Variants in MRGPRX3 observed in about 807,000 individuals in gnomAD.
The protein encoded by MRGPRX3 is MAS related GPR family member X3, also known as mas-related G protein-coupled receptor member X3.
Under a neutral mutation model 16.5 loss-of-function variants are expected in MRGPRX3, and 14 were observed. The observed-to-expected ratio is 0.85, with a 90% CI of 0.56 to 1.33. The LOEUF (loss-of-function observed/expected upper bound fraction) is 1.33, where lower values mean the gene tolerates loss of function less well. Among genes scored for constraint, MRGPRX3 ranks in the 40% most tolerant of loss-of-function variants. The pLI, the probability that MRGPRX3 is intolerant of heterozygous loss-of-function variation, is 0.00. For missense variants in MRGPRX3, 449 were observed against 413.0 expected (o/e 1.09, Z -0.76); for synonymous variants, 199 against 180.1 (o/e 1.10, Z -0.84).
At chr11:18,122,512 T>C (rs1175651502) in intron 1 of MRGPRX3, among the ~76,000 whole-genome samples, 1 of 152,242 alleles carries the variant, frequency 6.6e-6, no homozygotes, top group Non-Finnish European at 1.5e-5. Flanking sequence ...GCAAAGGACA[T>C]GAACTCATCA....
At chr11:18,121,868 G>T (rs1296200426) in intron 1 of MRGPRX3, among the ~76,000 whole-genome samples, 3 of 151,926 alleles carry the variant, frequency 2.0e-5, no homozygotes, top group South Asian at 2.1e-4. Flanking sequence ...ACTGCGGAAG[G>T]CCTCAGGGTC....
At chr11:18,127,184 C>G (rs1331232497) in intron 1 of MRGPRX3, among the ~76,000 whole-genome samples, 1 of 152,228 alleles carries the variant, frequency 6.6e-6, no homozygotes, top group African/African-American at 2.4e-5. Flanking sequence ...CCTGACCTTT[C>G]TCTCTGGCTG....
At chr11:18,127,337 G>C (rs1273549580) in intron 1 of MRGPRX3, among the ~76,000 whole-genome samples, 1 of 152,190 alleles carries the variant, frequency 6.6e-6, no homozygotes, top group African/African-American at 2.4e-5. Context: ...GATTGGGGAA[G>C]TTCTCCTGGA....
Position 18,137,822 on chromosome 11 carries a change from G to A in MRGPRX3, c.620G>A (p.Arg207Gln), listed in dbSNP as rs760844552. ...VLLVRILCGS[R>Q]KMPLTRLYVT... ...CTGGTCAGGATTCTCTGTGGATCCCGGAAGATGCCGCTGACCAGGCTGTAC... is the reference window on the plus strand; with the variant it reads ...CTGGTCAGGATTCTCTGTGGATCCCAGAAGATGCCGCTGACCAGGCTGTAC... Residue 207 changes from arginine (R) to glutamine (Q), a missense_variant, in exon 2 of 2, where the codon CGG (arginine) becomes CAG (glutamine). Coordinates refer to ENST00000621697, the MANE Select transcript of MRGPRX3 (RefSeq NM_001370464.1). 26 of 1,614,036 alleles carry A rather than the reference G, an allele frequency of 1.6e-5. No homozygotes were observed. Among genetic ancestry groups the A allele is most frequent in the East Asian group, 8.9e-5 (4 of 44,896 alleles).
In MRGPRX3 at chr11:18,137,301, G is replaced by A. The variant is rs757015044; in HGVS notation, c.99G>A (p.Leu33=). The A allele has an allele frequency of 6.2e-7, 1 of 1,614,042 alleles. No homozygotes were observed. The highest frequency in any genetic ancestry group is 1.7e-5 in the Admixed American group (1 of 60,002). Residue 33 remains leucine, a synonymous_variant, in exon 2 of 2, where the codon CTG becomes CTA. Coordinates refer to ENST00000621697, the MANE Select transcript of MRGPRX3 (RefSeq NM_001370464.1). Reference sequence around the variant, plus strand: ...AGCAGACCCTGAGCTTCACGGGGCTGACGTGCATCGTTTCCCTTGTCGCGC... The same window carrying A: ...AGCAGACCCTGAGCTTCACGGGGCTAACGTGCATCGTTTCCCTTGTCGCGC... The part of the protein sequence containing the change: ...CYKQTLSFTG[L]TCIVSLVALT...
chr11:18,126,201 T>A (rs557988547), intron 1 of MRGPRX3, among the ~76,000 whole-genome samples: 1 of 152,328 alleles, frequency 6.6e-6, no homozygotes, highest in Non-Finnish European at 1.5e-5. Flanking sequence ...AATTTAAGGT[T>A]AATATTGTTA....
At chr11:18,136,270 T>G (rs1849006905) in intron 1 of MRGPRX3, among the ~76,000 whole-genome samples, 1 of 152,192 alleles carries the variant, frequency 6.6e-6, no homozygotes, top group South Asian at 2.1e-4. Flanking sequence ...TCACTTACTC[T>G]TTCCTCTGTT....
chr11:18,123,537 A>AT (rs1428612275), intron 1 of MRGPRX3, among the ~76,000 whole-genome samples: 1 of 152,034 alleles, frequency 6.6e-6, no homozygotes, highest in Non-Finnish European at 1.5e-5. Flanking sequence ...GTTCTGTTCC[A>AT]TTGGTCTATA....
rs374434472 is a variant in MRGPRX3, at chr11:18,137,172, T to C, written c.-25-6T>C. On this transcript the variant is annotated splice_polypyrimidine_tract_variant and splice_region_variant and intron_variant, in intron 1 of 1. Coordinates refer to ENST00000621697, the MANE Select transcript of MRGPRX3 (RefSeq NM_001370464.1). Reference sequence around the variant, plus strand: ...GCTGGTGATCACATCTGGTTTCTGTTTCCAGGGTCATCAGACTGGGGTTTC... The same window carrying C: ...GCTGGTGATCACATCTGGTTTCTGTCTCCAGGGTCATCAGACTGGGGTTTC... The C allele has an allele frequency of 6.4e-7, 1 of 1,555,358 alleles. No individual in the cohort carries two copies. The highest frequency in any genetic ancestry group is 8.7e-7 in the Non-Finnish European group (1 of 1,149,074).
At chr11:18,133,202 G>A (rs2134084114) in intron 1 of MRGPRX3, among the ~76,000 whole-genome samples, 1 of 152,330 alleles carries the variant, frequency 6.6e-6, no homozygotes, top group Middle Eastern at 3.4e-3. Flanking sequence ...AAGATGCACA[G>A]AGTTAAGGGT....
chr11:18,126,000 A>T (rs1365851042), intron 1 of MRGPRX3, among the ~76,000 whole-genome samples: 1 of 152,202 alleles, frequency 6.6e-6, no homozygotes, highest in East Asian at 1.9e-4. Context: ...ATCAGAGACT[A>T]GAATTGCAAC....
chr11:18,123,682 C>G lies in MRGPRX3; in HGVS notation c.-152+2518C>G, dbSNP rs978588745. 1.7e-3 allele frequency among the ~76,000 whole-genome samples: 253 copies of G among 151,758 alleles called. 1 individual carries two copies. The highest frequency in any genetic ancestry group is 5.9e-3 in the African/African-American group (243 of 41,478). ...ACTTGGCAACGCGGGCTCTTTTTTG[C>G]TTCCATATGAATTTTAAAGTAGTTT... On this transcript the variant is annotated intron_variant, in intron 1 of 2. Transcript: ENST00000396275.
intron 1 of MRGPRX3, among the ~76,000 whole-genome samples, chr11:18,126,565 A>G (rs1848898352): frequency 6.6e-6 from 1 of 152,248 alleles, no homozygotes; most frequent in Admixed American, 6.5e-5. Context: ...ATATGTATAC[A>G]GGTACCATGA....
At chr11:18,133,860 C>G (rs1443017546) in intron 1 of MRGPRX3, among the ~76,000 whole-genome samples, 4 of 152,226 alleles carry the variant, frequency 2.6e-5, no homozygotes, top group Non-Finnish European at 4.4e-5. Flanking sequence ...GTCTTCCAGT[C>G]TCCTGCTGGT....
chr11:18,136,591 C>A (rs1422288064), intron 1 of MRGPRX3, among the ~76,000 whole-genome samples: 4 of 152,174 alleles, frequency 2.6e-5, no homozygotes, highest in East Asian at 1.9e-4. Flanking sequence ...GCATGCATTC[C>A]TTCATTGAAT....
intron 1 of MRGPRX3, among the ~76,000 whole-genome samples, chr11:18,126,468 T>A (rs1848897110): frequency 6.6e-6 from 1 of 152,226 alleles, no homozygotes; most frequent in Non-Finnish European, 1.5e-5. Flanking sequence ...TTTGGCTGGA[T>A]ATGAAATTCG....
chr11:18,122,655 A>C (rs1361412515), intron 1 of MRGPRX3, among the ~76,000 whole-genome samples: 1 of 152,158 alleles, frequency 6.6e-6, no homozygotes, highest in Non-Finnish European at 1.5e-5. Flanking sequence ...ATACGTGTGC[A>C]TGTGTCTTTA....
upstream of MRGPRX3, among the ~76,000 whole-genome samples, chr11:18,128,641 G>T (rs925640891): frequency 3.9e-5 from 6 of 152,230 alleles, no homozygotes; most frequent in African/African-American, 1.4e-4. Context: ...GCAGTATTAG[G>T]ATGGGAGTGA....
At chr11:18,133,851 TC>T (rs1333143763) in intron 1 of MRGPRX3, among the ~76,000 whole-genome samples, 1 of 152,238 alleles carries the variant, frequency 6.6e-6, no homozygotes, top group Non-Finnish European at 1.5e-5. Context: ...TTTCCTGCTG[TC>T]TTCCAGTCTC....
Sources: allele counts gnomAD v4.1 joint callset (sites outside exome capture counted in the v4.1 genomes callset), GRCh38; gene constraint gnomAD v4.1.1; transcripts MANE v1.5; gene names NCBI Gene and HGNC (gene_info 2026-07-23, HGNC 2026-07-21).